The following EYA2 variants were observed in gnomAD, a reference collection of about 807,000 sequenced individuals.
EYA2 encodes the protein EYA transcriptional coactivator and phosphatase 2.
A neutral mutation model predicts 69.2 loss-of-function variants in EYA2; 31 were observed. The observed-to-expected ratio is 0.45, with a 90% CI of 0.34 to 0.60. The LOEUF is 0.60. EYA2 is among the 20% of genes least tolerant of loss of function. EYA2 has a pLI of 0.02. For synonymous variants in EYA2, 257 were observed against 279.4 expected, an observed-to-expected ratio of 0.92 and a Z score of 0.80; for missense variants, 622 against 701.2, an observed-to-expected ratio of 0.89 and a Z score of 1.28.
rs73303633 is a variant in EYA2, at chr20:46,917,609, C to T, written c.-11+22622C>T. Among the ~76,000 whole-genome samples the T allele has an allele frequency of 3.3e-3, 495 of 152,286 alleles. 4 individuals carry two copies. The highest frequency in any genetic ancestry group is 0.011 in the African/African-American group (472 of 41,552). On this transcript the variant is annotated intron_variant, in intron 1 of 15. Coordinates refer to ENST00000327619, the MANE Select transcript of EYA2 (RefSeq NM_005244.5). The stretch of plus-strand genomic sequence containing the variant: ...TGGTTCCAGAACGCCACAATAAAGC[C>T]AATATCGCAGTAAAGCAAGTCACGT...
chr20:47,129,652 T>C (rs973453567), intron 9 of EYA2, among the ~76,000 whole-genome samples: 4 of 152,200 alleles, frequency 2.6e-5, no homozygotes, highest in African/African-American at 9.6e-5. Flanking sequence ...GGCTGCTGTG[T>C]GGACAACAGA....
At chr20:47,045,484 C>T (rs753482572) in intron 5 of EYA2, among the ~76,000 whole-genome samples, 11 of 152,182 alleles carry the variant, frequency 7.2e-5, no homozygotes, top group Admixed American at 3.9e-4. Flanking sequence ...ACAGTATACA[C>T]ATACAGGGAT....
chr20:47,047,712 G>C (rs543970925), intron 5 of EYA2, among the ~76,000 whole-genome samples: 24 of 150,814 alleles, frequency 1.6e-4, no homozygotes, highest in Admixed American at 3.3e-4. Context: ...TTAGGGACAA[G>C]GATATTGTCT....
intron 1 of EYA2, among the ~76,000 whole-genome samples, chr20:46,926,821 C>T (rs1043864887): frequency 6.6e-6 from 1 of 152,204 alleles, no homozygotes; most frequent in African/African-American, 2.4e-5. Flanking sequence ...ATAAATGCAA[C>T]ACCTTGGGTG....
At chr20:47,123,844 T>TA in intron 9 of EYA2, among the ~76,000 whole-genome samples, 1 of 151,826 alleles carries the variant, frequency 6.6e-6, no homozygotes, top group South Asian at 2.1e-4. Flanking sequence ...ATACAAAAAT[T>TA]AGACAGACCT....
chr20:46,952,017 T>C (rs1335329924), intron 1 of EYA2, among the ~76,000 whole-genome samples: 3 of 152,168 alleles, frequency 2.0e-5, no homozygotes, highest in African/African-American at 7.2e-5. Flanking sequence ...AGCCCACAAG[T>C]CTCTCTTTCT....
intron 1 of EYA2, among the ~76,000 whole-genome samples, chr20:46,898,110 C>T (rs143075654): frequency 3.2e-4 from 48 of 152,084 alleles, no homozygotes; most frequent in African/African-American, 1.2e-3. Flanking sequence ...AGGGAGAATT[C>T]GCCTAATGAT....
chr20:46,899,064 A>G (rs988269953), intron 1 of EYA2, among the ~76,000 whole-genome samples: 3 of 152,118 alleles, frequency 2.0e-5, no homozygotes, highest in Admixed American at 1.3e-4. Flanking sequence ...TCTTGCCGCA[A>G]CCCCTTGAGT....
chr20:46,924,316 G>A (rs1440835850), intron 1 of EYA2, among the ~76,000 whole-genome samples: 1 of 152,058 alleles, frequency 6.6e-6, no homozygotes, highest in Non-Finnish European at 1.5e-5. Flanking sequence ...TAAAATGTTT[G>A]GGTCAAGGTG....
chr20:47,094,910 G>A (rs2032200641), intron 8 of EYA2, among the ~76,000 whole-genome samples: 1 of 152,116 alleles, frequency 6.6e-6, no homozygotes, highest in African/African-American at 2.4e-5. Flanking sequence ...CCACATGCCT[G>A]TAGTCCCACT....
chr20:46,977,169 G>A (rs1980513320), intron 1 of EYA2, among the ~76,000 whole-genome samples: 1 of 152,006 alleles, frequency 6.6e-6, no homozygotes, highest in Admixed American at 6.5e-5. Flanking sequence ...TTTAATGAAG[G>A]TGTGTGGGTG....
intron 7 of EYA2, among the ~76,000 whole-genome samples, chr20:47,086,378 GA>G (rs1223922725): frequency 1.3e-5 from 2 of 152,032 alleles, no homozygotes. Flanking sequence ...CCCAGCTAAA[GA>G]AAAGAGGTTT....
At chr20:46,963,935 C>T (rs144874725) in intron 1 of EYA2, among the ~76,000 whole-genome samples, 67 of 152,352 alleles carry the variant, frequency 4.4e-4, no homozygotes, top group African/African-American at 1.5e-3. Flanking sequence ...GGCCCACAGG[C>T]TTCGGGTCCT....
At chr20:47,094,020 T>A (rs187818331) in intron 8 of EYA2, among the ~76,000 whole-genome samples, 6 of 152,244 alleles carry the variant, frequency 3.9e-5, no homozygotes, top group South Asian at 4.1e-4. Flanking sequence ...AAATAAAAGG[T>A]CTCTGACCCA....
intron 9 of EYA2, among the ~76,000 whole-genome samples, chr20:47,127,325 C>T (rs2033217455): frequency 1.3e-5 from 2 of 152,114 alleles, no homozygotes; most frequent in African/African-American, 4.8e-5. Flanking sequence ...CTTATGTGGC[C>T]AAGCTCGGTG....
At chr20:47,014,453 G>A (rs567604034) in intron 4 of EYA2, among the ~76,000 whole-genome samples, 12 of 152,312 alleles carry the variant, frequency 7.9e-5, no homozygotes, top group African/African-American at 2.4e-4. Flanking sequence ...TTTGATAACA[G>A]TTGATGTGGT....
intron 1 of EYA2, among the ~76,000 whole-genome samples, chr20:46,954,700 C>T (rs914939882): frequency 4.6e-5 from 7 of 152,188 alleles, no homozygotes; most frequent in African/African-American, 1.7e-4. Context: ...CCTCAAACAC[C>T]AGGAGATGCC....
At chr20:47,128,619 T>C (rs2033259253) in intron 9 of EYA2, among the ~76,000 whole-genome samples, 2 of 152,154 alleles carry the variant, frequency 1.3e-5, no homozygotes, top group African/African-American at 4.8e-5. Flanking sequence ...CATGAAGATA[T>C]ATTTATGAGT....
chr20:46,934,359 T>TCA (rs199604772), intron 1 of EYA2, among the ~76,000 whole-genome samples: 1 of 151,718 alleles, frequency 6.6e-6, no homozygotes, highest in Non-Finnish European at 1.5e-5. Context: ...GCCAGCTTCC[T>TCA]TGTCGTGGTG....
Sources: gnomAD v4.1 joint callset for allele counts (sites outside exome capture counted in the v4.1 genomes callset) on GRCh38, gnomAD v4.1.1 for gene constraint, MANE v1.5 for transcripts, NCBI Gene and HGNC (gene_info 2026-07-23, HGNC 2026-07-21) for gene names.